NAPSA: variants seen among roughly 807,000 people sequenced by gnomAD.
NAPSA encodes napsin A aspartic peptidase.
Under a neutral mutation model 36.7 loss-of-function variants are expected in NAPSA, and 37 were observed. The observed-to-expected ratio is 1.01, with a 90% CI of 0.78 to 1.33. The LOEUF is 1.33. NAPSA is among the 40% of genes most tolerant of loss of function. NAPSA has a pLI of 0.00. For synonymous variants in NAPSA, 222 were observed against 234.5 expected (o/e 0.95, Z 0.49); for missense variants, 532 against 543.8 (o/e 0.98, Z 0.21).
At position 50,359,848 on chromosome 19, in the gene NAPSA, G is replaced by C. The variant is rs375232742; in HGVS notation, c.683C>G (p.Pro228Arg). Residue 228 changes from proline (P) to arginine (R), a missense_variant, in exon 6 of 9, where the codon CCT (proline) becomes CGT (arginine). By Grantham distance (103) the Pro-to-Arg change is moderately radical. Around this residue, in one of 3 missense-constraint regions of NAPSA, gnomAD observed 385 missense variants for 371.5 expected, o/e 1.04. Coordinates refer to ENST00000253719, the MANE Select transcript of NAPSA (RefSeq NM_004851.3). ...SFYLNRDPEEPDGGELVLGGS... is the reference protein window; with the variant it reads ...SFYLNRDPEERDGGELVLGGS... ...CCCCAGGACCAGCTCTCCTCCATCAGGCTCTTCAGGGTCCCTGCAGGGGCA... is the reference window on the plus strand; with the variant it reads ...CCCCAGGACCAGCTCTCCTCCATCACGCTCTTCAGGGTCCCTGCAGGGGCA... 1.7e-5 allele frequency: 27 copies of C among 1,614,044 alleles called. No homozygotes were observed. The highest frequency in any genetic ancestry group is 2.3e-5 in the Non-Finnish European group (27 of 1,179,998).
chr19:50,360,390 C>T (rs967896854), intron 5 of NAPSA, among the ~76,000 whole-genome samples: 3 of 152,106 alleles, frequency 2.0e-5, no homozygotes, highest in African/African-American at 7.2e-5. Flanking sequence ...GTCAGGGTAA[C>T]TGAGTGGGCA....
intron 4 of NAPSA, chr19:50,361,399 T>A (rs898430704): frequency 1.8e-5 from 10 of 565,530 alleles, no homozygotes; most frequent in Admixed American, 1.3e-4. Context: ...AGGAAGCTCC[T>A]CCTCCCTGCT....
chr19:50,363,750 G>A (rs115978701), intron 1 of NAPSA, among the ~76,000 whole-genome samples: 452 of 151,984 alleles, frequency 3.0e-3, no homozygotes, highest in African/African-American at 0.01. Context: ...TTTTTGTAGA[G>A]GTGGAGTCTG....
At position 50,364,658 on chromosome 19, in the gene NAPSA, TC is replaced by T. The variant is rs2037521345; in HGVS notation, c.83+880del. On this transcript the variant is annotated intron_variant, in intron 1 of 8. Transcript: ENST00000253719. ...AAAGTCCTGAGAGGAGGGGGAGGGG[TC>T]CTCAATCTAGAGTCTCAGTGTTGTA... Among the ~76,000 whole-genome samples the T allele has an allele frequency of 2.5e-5, 3 of 121,402 alleles. No individual in the cohort carries two copies. In the South Asian group the frequency reaches 8.1e-4, roughly 33 times the overall value. 79.6% of individuals were successfully genotyped at this position (121,402 alleles called of 152,430 possible).
intron 1 of NAPSA, 33 bp downstream of exon 1, chr19:50,365,506 C>T: frequency 6.2e-7 from 1 of 1,601,552 alleles, no homozygotes; most frequent in South Asian, 1.1e-5. Flanking sequence ...AAAATCCCTC[C>T]TAAGGTTGGG....
At chr19:50,359,368 A>G (rs1282161921) in intron 7 of NAPSA, 135 bp downstream of exon 7, 1 of 1,193,488 alleles carries the variant, frequency 8.4e-7, no homozygotes, top group South Asian at 1.4e-5. Context: ...CCTCCAGACT[A>G]TCTGTCACGA....
chr19:50,362,480 G>T, intron 1 of NAPSA, 167 bp from the exon 2 acceptor site: 1 of 564,260 alleles, frequency 1.8e-6, no homozygotes, highest in Non-Finnish European at 3.0e-6. Context: ...CATCAAAGAT[G>T]CCATGATGAC....
At chr19:50,359,696 GC>G (rs1568585496) in intron 6 of NAPSA, 43 bp downstream of exon 6, 1 of 1,614,182 alleles carries the variant, frequency 6.2e-7, no homozygotes, top group Admixed American at 1.7e-5. Flanking sequence ...AGGAGTCCAG[GC>G]CCCCAGCCTC....
intron 1 of NAPSA, 101 bp from the exon 2 acceptor site, chr19:50,362,414 G>T: frequency 1.8e-6 from 2 of 1,134,318 alleles, no homozygotes; most frequent in Non-Finnish European, 2.5e-6. Context: ...CATCTCCAAG[G>T]CACTACAATA....
chr19:50,365,013 A>T (rs10424725), intron 1 of NAPSA, among the ~76,000 whole-genome samples: 33 of 122,398 alleles, frequency 2.7e-4, no homozygotes, highest in South Asian at 1.6e-3. Context: ...ATAATAATAA[A>T]TAATAATAAT....
intron 5 of NAPSA, among the ~76,000 whole-genome samples, chr19:50,360,200 G>T (rs762064532): frequency 6.6e-6 from 1 of 152,160 alleles, no homozygotes; most frequent in Non-Finnish European, 1.5e-5. Context: ...CTTGTGCAGG[G>T]GTGGGGTGGC....
At chr19:50,365,011 A>AAATAATAAT (rs112903812) in intron 1 of NAPSA, among the ~76,000 whole-genome samples, 7 of 140,632 alleles carry the variant, frequency 5.0e-5, no homozygotes, top group African/African-American at 1.9e-4. Context: ...TAATAATAAT[A>AAATAATAAT]AATAATAATA....
At chr19:50,365,467 G>A (rs963712151) in intron 1 of NAPSA, 72 bp downstream of exon 1, 7 of 1,429,086 alleles carry the variant, frequency 4.9e-6, no homozygotes, top group Admixed American at 1.8e-5. Flanking sequence ...ACTGAACTGG[G>A]AGTCCTAGAC....
At position 50,362,025 on chromosome 19, in the gene NAPSA, C is replaced by G. The variant is rs765176103; in HGVS notation, c.293G>C (p.Gly98Ala). Residue 98 changes from glycine (G) to alanine (A), a missense_variant, in exon 3 of 9, where the codon GGC (glycine) becomes GCC (alanine). By Grantham distance (60) the Gly-to-Ala change is moderately conservative. Transcript: ENST00000253719. Reference sequence around the variant, plus strand: ...GGACGGGACCCAGAGATTGGAGGAGCCAGTGTCAAAGGCAACAGTGAAGTT... The same window carrying G: ...GGACGGGACCCAGAGATTGGAGGAGGCAGTGTCAAAGGCAACAGTGAAGTT... ...PQNFTVAFDTGSSNLWVPSRR... is the reference protein window; with the variant it reads ...PQNFTVAFDTASSNLWVPSRR... 4 of 1,611,230 alleles carry G rather than the reference C, an allele frequency of 2.5e-6. No homozygotes were observed. The highest frequency in any genetic ancestry group is 2.5e-6 in the Non-Finnish European group (3 of 1,178,932).
At chr19:50,358,851 T>TCC in intron 8 of NAPSA, 71 bp from the exon 9 acceptor site, 1 of 1,418,196 alleles carries the variant, frequency 7.1e-7, no homozygotes, top group Non-Finnish European at 9.6e-7. Flanking sequence ...AGCCCGTCCA[T>TCC]CCCCCCCACC....
rs772639781 is a variant in NAPSA, at chr19:50,358,624, G to A, written c.1192C>T (p.Leu398=). 3 of 1,612,572 alleles carry A rather than the reference G, an allele frequency of 1.9e-6. No homozygotes were observed. Among genetic ancestry groups the A allele is most frequent in the African/African-American group, 1.3e-5 (1 of 74,926 alleles). The change falls in exon 9 of 9, where the codon CTG becomes TTG. Residue 398 remains leucine (L), a synonymous_variant. Coordinates refer to ENST00000253719, the MANE Select transcript of NAPSA (RefSeq NM_004851.3). ...GCTCCGCGAGTGCGAGCGCGCGCCA[G>A]GCCCACCCGGGCGCTGCTCTTCATG... ...GDMKSSARVG[L]ARARTRGADL...
chr19:50,358,846 G>A (rs1297397519), intron 8 of NAPSA, 66 bp from the exon 9 acceptor site: 1 of 1,447,448 alleles, frequency 6.9e-7, no homozygotes. Context: ...CTGGGAGCCC[G>A]TCCATCCCCC....
chr19:50,368,614 CTCAG>C (rs770934286), upstream of NAPSA, among the ~76,000 whole-genome samples: 42 of 152,308 alleles, frequency 2.8e-4, no homozygotes, highest in Admixed American at 1.8e-3. Context: ...CCTTTGTTTT[CTCAG>C]TCAGAGCACT....
At position 50,361,735 on chromosome 19, in the gene NAPSA, G is replaced by A; in HGVS notation, c.396C>T (p.Ala132=). 2 of 1,614,046 alleles carry A rather than the reference G, an allele frequency of 1.2e-6. No homozygotes were observed. Among genetic ancestry groups the A allele is most frequent in the Non-Finnish European group, 1.7e-6 (2 of 1,180,014 alleles). ...FDPKASSSFQ[A]NGTKFAIQYG... ...ATTGAATGGCAAACTTGGTCCCATT[G>A]GCCTGGAAGGAGCTAGAGGCTTTGG... The change falls in exon 4 of 9, where the codon GCC becomes GCT. Residue 132 remains alanine (A), a synonymous_variant. Transcript: ENST00000253719.
Sources: gnomAD v4.1 joint callset for allele counts (sites outside exome capture counted in the v4.1 genomes callset) on GRCh38, gnomAD v4.1.1 for gene constraint, gnomAD v4.1.1 regional missense constraint, MANE v1.5 for transcripts, NCBI Gene and HGNC (gene_info 2026-07-23, HGNC 2026-07-21) for gene names.